The following TRIP11 variants were observed in gnomAD, a reference collection of about 807,000 sequenced individuals.
TRIP11 encodes thyroid receptor-interacting protein 11.
Under a neutral mutation model 223.1 loss-of-function variants are expected in TRIP11, and 148 were observed. The observed-to-expected ratio is 0.66, with a 90% CI of 0.58 to 0.76. TRIP11 has a LOEUF of 0.76. Ranked by LOEUF, TRIP11 falls within the 30% of genes least tolerant of loss-of-function variation. TRIP11 has a pLI of 0.00. For synonymous variants in TRIP11, 762 were observed against 772.6 expected (o/e 0.99, Z 0.23); for missense variants, 2,043 against 2,222.0 (o/e 0.92, Z 1.62).
intron 2 of TRIP11, among the ~76,000 whole-genome samples, chr14:92,026,051 C>T (rs1274873340): frequency 6.6e-6 from 1 of 152,194 alleles, no homozygotes; most frequent in Non-Finnish European, 1.5e-5. Flanking sequence ...GCAGTCAATA[C>T]ATGTCTAGTA....
intron 6 of TRIP11, 141 bp downstream of exon 6, chr14:92,015,555 G>A (rs1271085843): frequency 1.7e-6 from 1 of 597,306 alleles, no homozygotes; most frequent in Non-Finnish European, 2.8e-6. Flanking sequence ...CTACTTGGGA[G>A]GCTGATGCAG....
chr14:92,022,075 C>A (rs1373569161), intron 3 of TRIP11, among the ~76,000 whole-genome samples: 1 of 152,178 alleles, frequency 6.6e-6, no homozygotes, highest in Non-Finnish European at 1.5e-5. Context: ...TGTATGTTAA[C>A]TAAAGCAATG....
chr14:92,034,367 G>A (rs1265595748), intron 1 of TRIP11, among the ~76,000 whole-genome samples: 2 of 151,270 alleles, frequency 1.3e-5, no homozygotes, highest in Non-Finnish European at 2.9e-5. Flanking sequence ...AGGTTGCAGT[G>A]AGCCGACACT....
intron 4 of TRIP11, among the ~76,000 whole-genome samples, chr14:92,018,942 C>G (rs1348830332): frequency 9.5e-6 from 1 of 105,408 alleles, no homozygotes; most frequent in Non-Finnish European, 1.7e-5. Flanking sequence ...GCCTGGTAGA[C>G]AGAGCAAGAC....
intron 2 of TRIP11, chr14:92,026,832 A>G (rs1410135615): frequency 7.0e-7 from 1 of 1,421,434 alleles, no homozygotes; most frequent in Non-Finnish European, 9.8e-7. Context: ...GCAGCTGAAG[A>G]TGATGAGGAT....
At chr14:92,028,362 C>T (rs1393609021) in intron 2 of TRIP11, among the ~76,000 whole-genome samples, 3 of 152,022 alleles carry the variant, frequency 2.0e-5, no homozygotes, top group Admixed American at 6.6e-5. Context: ...GAGTTCAAGA[C>T]CAGCCTGGGC....
Position 91,968,373 on chromosome 14 carries a change from ACTTT to A in TRIP11, c.*1296_*1299del. 1 of 205,356 alleles carries A rather than the reference ACTTT, an allele frequency of 4.9e-6. No individual in the cohort carries two copies. The highest frequency in any genetic ancestry group is 9.9e-6 in the Non-Finnish European group (1 of 100,544). 12.7% of individuals were successfully genotyped at this position (205,356 alleles called of 1,614,324 possible). ...TGGGTTTATGAAAAATTAAAGAAAT[ACTTT>A]CTTAAGTTTCAAACATCTGGGTACT... On this transcript the variant is annotated 3_prime_UTR_variant, in exon 21 of 21. Transcript: ENST00000267622.
chr14:92,035,651 C>T (rs112412073), intron 1 of TRIP11, among the ~76,000 whole-genome samples: 38,015 of 150,384 alleles, frequency 0.25, 4,896 homozygotes, highest in East Asian at 0.33. Flanking sequence ...AATCTCAGCT[C>T]GCTGCAACCT....
At chr14:91,982,640 A>G (rs2056558974) in intron 16 of TRIP11, among the ~76,000 whole-genome samples, 1 of 152,216 alleles carries the variant, frequency 6.6e-6, no homozygotes, top group Non-Finnish European at 1.5e-5. Context: ...TTAATGAGAT[A>G]TTTCATGAAA....
chr14:91,988,208 C>T, intron 16 of TRIP11, 76 bp downstream of exon 16: 1 of 1,218,468 alleles, frequency 8.2e-7, no homozygotes, highest in Non-Finnish European at 1.2e-6. Flanking sequence ...TCAACTATGC[C>T]AATTTATGAC....
At chr14:91,986,871 A>G (rs562456079) in intron 16 of TRIP11, among the ~76,000 whole-genome samples, 1 of 152,356 alleles carries the variant, frequency 6.6e-6, no homozygotes, top group South Asian at 2.1e-4. Context: ...GTTAGGGCAC[A>G]ATACAGAAGA....
Position 92,004,797 on chromosome 14 carries a change from A to T in TRIP11, c.3179T>A (p.Ile1060Asn). 2.5e-6 allele frequency: 4 copies of T among 1,614,156 alleles called. No homozygotes were observed. The highest frequency in any genetic ancestry group is 3.4e-6 in the Non-Finnish European group (4 of 1,180,028). The stretch of plus-strand genomic sequence containing the variant: ...TATCTCCAAATCTTTCTGCTGAATA[A>T]TCTGAGTTAGTTTACCAACTTCATC... ...SKDEVGKLTQ[I>N]IQQKDLEIQA... Residue 1060 changes from isoleucine (I) to asparagine (N), a missense_variant, in exon 11 of 21, where the codon ATT becomes AAT. Coordinates refer to ENST00000267622, the MANE Select transcript of TRIP11 (RefSeq NM_004239.4).
chr14:91,999,391 GCTCTTGGTT>G lies in TRIP11; in HGVS notation c.4732_4740del (p.Asn1578_Glu1580del). ...AAAAGATGATTACGCAATCTCTCTA[GCTCTTGGTT>G]TGAACGAAATTCTTTGTCACGTAAA... On this transcript the variant is annotated inframe_deletion, in exon 13 of 21. Transcript: ENST00000267622. The G allele has an allele frequency of 7.4e-6, 12 of 1,613,812 alleles. No individual in the cohort carries two copies. The highest frequency in any genetic ancestry group is 8.5e-7 in the Non-Finnish European group (1 of 1,179,888).
intron 16 of TRIP11, among the ~76,000 whole-genome samples, chr14:91,983,530 T>C (rs957264787): frequency 6.6e-6 from 1 of 152,264 alleles, no homozygotes; most frequent in African/African-American, 2.4e-5. Context: ...GGAATTTTTT[T>C]AAACTGCAAT....
At chr14:91,983,006 T>C (rs1294025571) in intron 16 of TRIP11, among the ~76,000 whole-genome samples, 1 of 152,168 alleles carries the variant, frequency 6.6e-6, no homozygotes, top group Admixed American at 6.5e-5. Flanking sequence ...TGACACACAG[T>C]TTCACAGGAA....
rs11851669 is a variant in TRIP11, at chr14:91,975,915, C to T, written c.5342+193G>A. ...AAAAAGAATGAGCTGGAAAAAAATC[C>T]ACATTAAAAATAAAAGAAGGTAAGT... On this transcript the variant is annotated intron_variant, in intron 17 of 20. Transcript: ENST00000267622. Among the ~76,000 whole-genome samples the T allele has an allele frequency of 0.037, 5,651 of 152,032 alleles. 298 individuals are homozygous for T. The highest frequency in any genetic ancestry group is 0.12 in the African/African-American group (4,966 of 41,444).
intron 11 of TRIP11, among the ~76,000 whole-genome samples, chr14:92,002,289 T>C (rs2056836843): frequency 6.6e-6 from 1 of 152,208 alleles, no homozygotes; most frequent in Non-Finnish European, 1.5e-5. Flanking sequence ...TATCAAAAGC[T>C]ACTGGCACTA....
chr14:91,982,014 A>C (rs1044836484), intron 16 of TRIP11, among the ~76,000 whole-genome samples: 1 of 152,108 alleles, frequency 6.6e-6, no homozygotes, highest in Non-Finnish European at 1.5e-5. Flanking sequence ...TTAGCAATGA[A>C]CTCACAGGAA....
At chr14:91,970,352 G>C (rs1276012257) in intron 20 of TRIP11, among the ~76,000 whole-genome samples, 4 of 152,064 alleles carry the variant, frequency 2.6e-5, no homozygotes, top group Non-Finnish European at 5.9e-5. Context: ...GGTGGAGGTT[G>C]CAGTGACTGG....
Sources: gnomAD v4.1 joint callset for allele counts (sites outside exome capture counted in the v4.1 genomes callset) on GRCh38, gnomAD v4.1.1 for gene constraint, MANE v1.5 for transcripts, NCBI Gene and HGNC (gene_info 2026-07-23, HGNC 2026-07-21) for gene names.